FAAP100: variants seen among roughly 807,000 people sequenced by gnomAD.
The protein encoded by FAAP100 is FA core complex associated protein 100, also known as Fanconi anemia core complex-associated protein 100.
In FAAP100, 46 loss-of-function variants were observed where a neutral mutation model predicts 65.8. That is an observed-to-expected ratio of 0.70 (90% confidence interval 0.55 to 0.89). The LOEUF is 0.89. Ranked by LOEUF, FAAP100 falls within the 40% of genes least tolerant of loss-of-function variation. The pLI is 0.00. For missense variants in FAAP100, 1,165 were observed against 1,196.7 expected, an observed-to-expected ratio of 0.97 and a Z score of 0.39; for synonymous variants, 663 against 555.1, an observed-to-expected ratio of 1.19 and a Z score of -2.73.
chr17:81,551,191 C>T lies in FAAP100; in HGVS notation c.303G>A (p.Gln101=). 6.6e-7 allele frequency: 1 copy of T among 1,523,998 alleles called. No individual in the cohort carries two copies. Among genetic ancestry groups the T allele is most frequent in the Non-Finnish European group, 8.9e-7 (1 of 1,129,308 alleles). 94.4% of individuals were successfully genotyped at this position (1,523,998 alleles called of 1,614,324 possible). A position where few individuals can be genotyped will look rare whatever the true frequency, so the allele number is the denominator to read the frequency against. ...DHPGRSRSTS[Q]DDRDSEDGDQ... Reference sequence around the variant, plus strand: ...CACCGTCCTCGCTGTCCCTGTCATCCTGGCTCGTAGACCTTTGAGAACAGG... The same window carrying T: ...CACCGTCCTCGCTGTCCCTGTCATCTTGGCTCGTAGACCTTTGAGAACAGG... Residue 101 remains glutamine, a synonymous_variant, in exon 3 of 9, where the codon CAG becomes CAA. Coordinates refer to ENST00000327787, the MANE Select transcript of FAAP100 (RefSeq NM_025161.6).
At position 81,550,938 on chromosome 17, in the gene FAAP100, C is replaced by T. The variant is rs911091617; in HGVS notation, c.556G>A (p.Gly186Arg). 1 of 1,612,222 alleles carries T rather than the reference C, an allele frequency of 6.2e-7. No individual in the cohort carries two copies. The highest frequency in any genetic ancestry group is 8.5e-7 in the Non-Finnish European group (1 of 1,179,688). The change falls in exon 3 of 9, where the codon GGA (glycine) becomes AGA (arginine). Residue 186 changes from glycine to arginine, a missense_variant. Physicochemically the swap from Gly to Arg is moderately radical, Grantham distance 125. Transcript: ENST00000327787. ...SSYTPPAGVP[G>R]KPAAPHFLPV... ...AGGAAGTGGGGGGCTGCAGGCTTTC[C>T]TGGGACCCCGGCTGGGGGCGTGTAG...
chr17:81,547,254 C>T lies in FAAP100; in HGVS notation c.1828G>A (p.Val610Met). Residue 610 changes from valine to methionine, a missense_variant, in exon 5 of 9, where the codon GTG (valine) becomes ATG (methionine). Val to Met is a conservative substitution (Grantham distance 21). Transcript: ENST00000327787. ...CTLFYSLREV[V>M]GGALAPSDSE... ...TCTGAGGGGGCAAGGGCCCCGCCCA[C>T]CACCTCCCTGAGACTGTAGAACAGC... 6.3e-7 allele frequency: 1 copy of T among 1,596,330 alleles called. No homozygotes were observed. The highest frequency in any genetic ancestry group is 8.6e-7 in the Non-Finnish European group (1 of 1,168,346).
rs1019124344 is a variant in FAAP100 at position 81,547,616 on chromosome 17, G to A, written c.1466C>T (p.Ala489Val). The change falls in exon 5 of 9, where the codon GCC (alanine) becomes GTC (valine). Residue 489 changes from alanine (A) to valine (V), a missense_variant. Coordinates refer to ENST00000327787, the MANE Select transcript of FAAP100 (RefSeq NM_025161.6). The stretch of plus-strand genomic sequence containing the variant: ...CAGCAGTGCACAGCTCACGTTCATG[G>A]CCTCGTTGAGGCTTGTCAGTGCCTT... ...RNKALTSLNE[A>V]MNVSCALLSS... 6.2e-7 allele frequency: 1 copy of A among 1,613,364 alleles called. No homozygotes were observed. Among genetic ancestry groups the A allele is most frequent in the Non-Finnish European group, 8.5e-7 (1 of 1,179,906 alleles).
In FAAP100 at chr17:81,540,940, C is replaced by T. The variant is rs764637403; in HGVS notation, c.2525G>A (p.Arg842Gln). 38 of 1,585,852 alleles carry T rather than the reference C, an allele frequency of 2.4e-5. No homozygotes were observed. Among genetic ancestry groups the T allele is most frequent in the Non-Finnish European group, 2.7e-5 (32 of 1,169,644 alleles). ...CCGGTCGCGCAGGGTCTGCACCTCC[C>T]GCAGCAGTGTCTGCAGGTGAAGCAG... is the stretch of plus-strand genomic sequence containing the variant. The part of the protein sequence containing the change: ...QIHANHETLL[R>Q]EVQTLRDRLC... The change falls in exon 9 of 9, where the codon CGG becomes CAG. Residue 842 changes from arginine (R) to glutamine (Q), a missense_variant. Arg to Gln is a conservative substitution (Grantham distance 43, BLOSUM62 1). Coordinates refer to ENST00000327787, the MANE Select transcript of FAAP100 (RefSeq NM_025161.6).
chr17:81,552,437 C>T, upstream of FAAP100: 3 of 1,088,596 alleles, frequency 2.8e-6, no homozygotes, highest in Non-Finnish European at 3.5e-6. Flanking sequence ...CGCCGTAAAG[C>T]GGTCGGCGGT....
intron 5 of FAAP100, 147 bp downstream of exon 5, chr17:81,546,759 AGAG>A (rs2033315017): frequency 7.2e-6 from 6 of 837,838 alleles, no homozygotes; most frequent in Non-Finnish European, 9.8e-6. Context: ...TGGGAGGCCC[AGAG>A]GAGATCAATT....
Position 81,541,087 on chromosome 17 carries a change from C to T in FAAP100, c.2515-137G>A, listed in dbSNP as rs375583675. On this transcript the variant is annotated intron_variant, in intron 8 of 8. Coordinates refer to ENST00000327787, the MANE Select transcript of FAAP100 (RefSeq NM_025161.6). The stretch of plus-strand genomic sequence containing the variant: ...TCCGAGGAAGAACACTCATCCGGAA[C>T]CTTAAAACATGGGACACGCAGCCTG... The T allele has an allele frequency of 5.8e-5, 72 of 1,250,134 alleles. 1 individual carries two copies. The Middle Eastern group carries it at 1.1e-3, about 18-fold the overall frequency. 77.4% of individuals were successfully genotyped at this position (1,250,134 alleles called of 1,614,324 possible).
chr17:81,549,416 T>C, intron 3 of FAAP100, 54 bp from the exon 4 acceptor site: 1 of 1,558,400 alleles, frequency 6.4e-7, no homozygotes, highest in Non-Finnish European at 8.7e-7. Context: ...GCAAGCAGCA[T>C]GACACTCGGT....
At chr17:81,552,575 G>A (rs2033540489), upstream of FAAP100, among the ~76,000 whole-genome samples, 1 of 152,194 alleles carries the variant, frequency 6.6e-6, no homozygotes, top group Non-Finnish European at 1.5e-5. Flanking sequence ...GGTTGACCCG[G>A]CCGGGCTGGT....
chr17:81,552,176 C>A lies in FAAP100; in HGVS notation c.155G>T (p.Gly52Val). The change falls in exon 1 of 9, where the codon GGG (glycine) becomes GTG (valine). Residue 52 changes from glycine (G) to valine (V), a missense_variant. Gly to Val is a moderately radical substitution (Grantham distance 109). Coordinates refer to ENST00000327787, the MANE Select transcript of FAAP100 (RefSeq NM_025161.6). ...ELVYVYDQEG[G>V]LLTAAFRFPD... The stretch of plus-strand genomic sequence containing the variant: ...CGGGCCGGCGCTCACGGTCAGCAGC[C>A]CGCCCTCCTGGTCGTACACGTAGAC... 6.7e-7 allele frequency: 1 copy of A among 1,496,548 alleles called. No homozygotes were observed. Among genetic ancestry groups the A allele is most frequent in the Non-Finnish European group, 8.9e-7 (1 of 1,129,934 alleles). The allele number at this position is 1,496,548 out of a possible 1,614,324, so 92.7% of individuals were successfully genotyped here.
rs1308030189 is a variant in FAAP100, at chr17:81,549,215, A to T, written c.1394T>A (p.Ile465Asn). ...GAGCTGAGCTGCTCACCTCTCAGAGATGTTGCCAATTCCAGACAGCAGCTC... is the reference window on the plus strand; with the variant it reads ...GAGCTGAGCTGCTCACCTCTCAGAGTTGTTGCCAATTCCAGACAGCAGCTC... ...IKELLSGIGN[I>N]SERVSFLKKA... The change falls in exon 4 of 9, where the codon ATC (isoleucine) becomes AAC (asparagine). Residue 465 changes from isoleucine to asparagine, a missense_variant. Physicochemically the swap from Ile to Asn is moderately radical, Grantham distance 149. Transcript: ENST00000327787. 1.9e-6 allele frequency: 3 copies of T among 1,612,422 alleles called. No individual in the cohort carries two copies. Among genetic ancestry groups the T allele is most frequent in the Admixed American group, 3.3e-5 (2 of 60,000 alleles).
upstream of FAAP100, chr17:81,552,357 A>G: frequency 7.5e-7 from 1 of 1,327,868 alleles, no homozygotes; most frequent in Non-Finnish European, 9.5e-7. Flanking sequence ...TCAGAGTGAG[A>G]AGCCCCGGCC....
Position 81,550,394 on chromosome 17 carries a change from C to G in FAAP100, c.1100G>C (p.Cys367Ser), listed in dbSNP as rs755921407. The G allele has an allele frequency of 6.2e-7, 1 of 1,612,782 alleles. No homozygotes were observed. The highest frequency in any genetic ancestry group is 1.1e-5 in the South Asian group (1 of 91,084). Residue 367 changes from cysteine (C) to serine (S), a missense_variant, in exon 3 of 9, where the codon TGT becomes TCT. Coordinates refer to ENST00000327787, the MANE Select transcript of FAAP100 (RefSeq NM_025161.6). ...GCTTCCCCGAGACAGATCCACCACA[C>G]AGAGGTCAGAAGGGGTGCTGTGGTA... is the stretch of plus-strand genomic sequence containing the variant. ...RVYHSTPSDL[C>S]VVDLSRGSTP...
intron 4 of FAAP100, chr17:81,548,361 G>A (rs2033384301): frequency 3.7e-6 from 1 of 267,160 alleles, no homozygotes; most frequent in South Asian, 9.6e-5. Context: ...GCTGCTGGGG[G>A]GCAGTCCCGG....
intron 8 of FAAP100, 111 bp from the exon 9 acceptor site, chr17:81,541,061 G>T: frequency 7.4e-7 from 1 of 1,357,382 alleles, no homozygotes; most frequent in Non-Finnish European, 9.8e-7. Context: ...GTGGCAGGTG[G>T]TCCGAGGAAG....
Position 81,550,921 on chromosome 17 carries a change from G to C in FAAP100, c.573C>G (p.Pro191=), listed in dbSNP as rs746909560. 5.6e-5 allele frequency: 90 copies of C among 1,612,406 alleles called. 2 individuals carry two copies. In the South Asian group the frequency reaches 9.8e-4, roughly 18 times the overall value. ...PAGVPGKPAA[P]HFLPVLCSVS... is the part of the protein sequence containing the mutation. Reference sequence around the variant, plus strand: ...CAGAGCACAGCACTGGAAGGAAGTGGGGGGCTGCAGGCTTTCCTGGGACCC... The same window carrying C: ...CAGAGCACAGCACTGGAAGGAAGTGCGGGGCTGCAGGCTTTCCTGGGACCC... The change falls in exon 3 of 9, where the codon CCC becomes CCG. Residue 191 remains proline, a synonymous_variant. Coordinates refer to ENST00000327787, the MANE Select transcript of FAAP100 (RefSeq NM_025161.6).
rs893424937 is a variant in FAAP100, at chr17:81,540,788, G to A, written c.*31C>T. The A allele has an allele frequency of 2.1e-5, 31 of 1,485,160 alleles. No individual in the cohort carries two copies. The highest frequency in any genetic ancestry group is 2.1e-4 in the Middle Eastern group (1 of 4,848). The allele number at this position is 1,485,160 out of a possible 1,614,324, so 92.0% of individuals were successfully genotyped here. A position where few individuals can be genotyped will look rare whatever the true frequency, so the allele number is the denominator to read the frequency against. ...GGGGGCTGTGACAGAGGCTGGAAGC[G>A]TGGCCAGAGCCCAGGGGCAGGCCCG... On this transcript the variant is annotated 3_prime_UTR_variant, in exon 9 of 9. Transcript: ENST00000327787.
At chr17:81,542,562 C>A (rs2033154692) in intron 7 of FAAP100, among the ~76,000 whole-genome samples, 1 of 152,044 alleles carries the variant, frequency 6.6e-6, no homozygotes, top group Non-Finnish European at 1.5e-5. Flanking sequence ...CACTCCTGTT[C>A]CTGGGGCGGG....
rs563025490 is a variant in FAAP100 at position 81,543,342 on chromosome 17, C to T, written c.2427+662G>A. 2.1e-3 allele frequency among the ~76,000 whole-genome samples: 314 copies of T among 152,290 alleles called. 5 individuals are homozygous for T. Among genetic ancestry groups the T allele is most frequent in the African/African-American group, 7.4e-3 (307 of 41,548 alleles). On this transcript the variant is annotated intron_variant, in intron 7 of 8. Transcript: ENST00000327787. ...CACCCCTAAAAAGAAACTCCGGAAC[C>T]GGTTTCTAGGGTCGCTGCAGACCCA...
Sources: allele counts gnomAD v4.1 joint callset (sites outside exome capture counted in the v4.1 genomes callset), GRCh38; gene constraint gnomAD v4.1.1; transcripts MANE v1.5; gene names NCBI Gene and HGNC (gene_info 2026-07-23, HGNC 2026-07-21).